Variants in BNC2 observed in about 807,000 individuals in gnomAD.
BNC2 encodes the protein zinc finger protein basonuclin-2.
In BNC2, 20 loss-of-function variants were observed where a neutral mutation model predicts 76.3. That is an observed-to-expected ratio of 0.26 (90% CI 0.18 to 0.38). The LOEUF (loss-of-function observed/expected upper bound fraction) is 0.38. Among genes scored for constraint, BNC2 ranks in the 10% least tolerant of loss-of-function variants. The pLI is 1.00. For missense variants in BNC2, 1,382 were observed against 1,399.8 expected, an observed-to-expected ratio of 0.99 and a Z score of 0.20; for synonymous variants, 582 against 514.8, an observed-to-expected ratio of 1.13 and a Z score of -1.77.
chr9:16,850,809 T>TA (rs60704340), intron 1 of BNC2, among the ~76,000 whole-genome samples: 105,460 of 148,504 alleles, frequency 0.71, 37,329 homozygotes, highest in Non-Finnish European at 0.75. Context: ...AAAAAGTAAA[T>TA]AAAAAAAAAA....
intron 3 of BNC2, among the ~76,000 whole-genome samples, chr9:16,616,836 G>T (rs138928371): frequency 4.0e-5 from 6 of 150,210 alleles, no homozygotes; most frequent in South Asian, 2.1e-4. Context: ...AGGAAGGAAG[G>T]AAGTTCTACT....
intron 3 of BNC2, among the ~76,000 whole-genome samples, chr9:16,649,239 T>G (rs1448723258): frequency 6.6e-6 from 1 of 152,198 alleles, no homozygotes; most frequent in Non-Finnish European, 1.5e-5. Context: ...CAAAGCAGTG[T>G]GTGCTATCCA....
intron 3 of BNC2, among the ~76,000 whole-genome samples, chr9:16,725,217 T>TCACACACA (rs4007689): frequency 0.027 from 3,971 of 148,220 alleles, 72 homozygotes; most frequent in East Asian, 0.064. Flanking sequence ...TCTCTCTCTC[T>TCACACACA]CACACACACA....
At chr9:16,805,682 T>TA (rs1417371543) in intron 1 of BNC2, among the ~76,000 whole-genome samples, 1 of 150,404 alleles carries the variant, frequency 6.6e-6, no homozygotes, top group East Asian at 2.0e-4. Context: ...ATGAACAAAT[T>TA]AAAGTACTTA....
chr9:16,861,002 C>T (rs574691155), intron 1 of BNC2, among the ~76,000 whole-genome samples: 127 of 149,944 alleles, frequency 8.5e-4, no homozygotes, highest in African/African-American at 2.6e-3. Context: ...GCTGAGATCA[C>T]GCCACTGCCT....
At chr9:16,816,243 A>G (rs1818179364) in intron 1 of BNC2, among the ~76,000 whole-genome samples, 1 of 152,154 alleles carries the variant, frequency 6.6e-6, no homozygotes, top group Non-Finnish European at 1.5e-5. Flanking sequence ...GACAATACTT[A>G]GGCACTTCCA....
chr9:16,582,892 GACACACACACAC>G (rs149223772), intron 4 of BNC2, 79 bp downstream of exon 4: 16,365 of 626,942 alleles, frequency 0.026, 116 homozygotes, highest in Non-Finnish European at 0.038. Flanking sequence ...CCTCTAAACA[GACACACACACAC>G]ACACACACAC....
intron 5 of BNC2, among the ~76,000 whole-genome samples, chr9:16,509,897 T>A (rs73417433): frequency 0.13 from 20,091 of 152,234 alleles, 4,009 homozygotes; most frequent in African/African-American, 0.43. Context: ...GCTGACATGG[T>A]TCTCTGTCCA....
At chr9:16,630,749 C>CTTTGTTTCTTTTTTTTTTTTT (rs1554691911) in intron 3 of BNC2, among the ~76,000 whole-genome samples, 4 of 140,194 alleles carry the variant, frequency 2.9e-5, no homozygotes, top group African/African-American at 1.1e-4. Flanking sequence ...TGGAGCGTTT[C>CTTTGTTTCTTTTTTTTTTTTT]TTTTTTTGAA....
intron 1 of BNC2, among the ~76,000 whole-genome samples, chr9:16,870,336 G>A (rs1819649252): frequency 1.3e-5 from 2 of 151,882 alleles, no homozygotes; most frequent in Non-Finnish European, 2.9e-5. Context: ...CCCCTAGCCA[G>A]CCGCTCACCT....
At chr9:16,498,175 A>T (rs1822437454) in intron 5 of BNC2, among the ~76,000 whole-genome samples, 2 of 125,792 alleles carry the variant, frequency 1.6e-5, no homozygotes, top group East Asian at 2.1e-4. Context: ...ATATTCTATC[A>T]TATATATATT....
In BNC2 at chr9:16,417,054, C is replaced by CA. The variant is rs990960540; in HGVS notation, c.*1934dup. The CA allele has an allele frequency of 1.3e-5, 2 of 151,310 alleles. No homozygotes were observed. Among genetic ancestry groups the CA allele is most frequent in the African/African-American group, 4.9e-5 (2 of 41,038 alleles). 9.4% of individuals were successfully genotyped at this position (151,310 alleles called of 1,614,324 possible). ...AAGAAATGTCTGAGGCCATTAAATG[C>CA]AAAAAAGAAATACATTCTCTTTAAA... On this transcript the variant is annotated 3_prime_UTR_variant, in exon 7 of 7. Coordinates refer to ENST00000380672, the MANE Select transcript of BNC2 (RefSeq NM_017637.6).
chr9:16,587,486 T>G (rs534996572), intron 3 of BNC2, among the ~76,000 whole-genome samples: 10 of 152,320 alleles, frequency 6.6e-5, no homozygotes, highest in African/African-American at 2.4e-4. Flanking sequence ...CTGTCTTTTA[T>G]TCTCACGGTT....
At chr9:16,723,193 T>C (rs181403789) in intron 3 of BNC2, among the ~76,000 whole-genome samples, 61 of 152,116 alleles carry the variant, frequency 4.0e-4, no homozygotes, top group African/African-American at 1.4e-3. Context: ...ACATACTAAC[T>C]GTAAGGAAGG....
At chr9:16,530,069 G>T (rs1301334241) in intron 5 of BNC2, among the ~76,000 whole-genome samples, 1 of 151,974 alleles carries the variant, frequency 6.6e-6, no homozygotes, top group South Asian at 2.1e-4. Flanking sequence ...GGCCAGTCTG[G>T]TCTTGAACTG....
intron 3 of BNC2, among the ~76,000 whole-genome samples, chr9:16,640,464 T>C (rs1220436141): frequency 6.6e-6 from 1 of 152,188 alleles, no homozygotes; most frequent in Non-Finnish European, 1.5e-5. Flanking sequence ...AATTATTAAC[T>C]ACTAGTTTTC....
chr9:16,468,445 G>C (rs921671913), intron 5 of BNC2, among the ~76,000 whole-genome samples: 3 of 151,712 alleles, frequency 2.0e-5, no homozygotes, highest in African/African-American at 7.3e-5. Flanking sequence ...CACCAGGCTG[G>C]AGTACAGAGG....
intron 3 of BNC2, among the ~76,000 whole-genome samples, chr9:16,604,437 G>C (rs1820324785): frequency 6.6e-6 from 1 of 152,176 alleles, no homozygotes; most frequent in Non-Finnish European, 1.5e-5. Context: ...GAAAGATCTT[G>C]AGAGACAGAT....
At chr9:16,659,544 A>AT (rs1822045000) in intron 3 of BNC2, among the ~76,000 whole-genome samples, 3 of 149,076 alleles carry the variant, frequency 2.0e-5, no homozygotes, top group South Asian at 2.1e-4. Flanking sequence ...GGAGGCGGAA[A>AT]TTGAAGTTAG....
Sources: allele counts gnomAD v4.1 joint callset (sites outside exome capture counted in the v4.1 genomes callset), GRCh38; gene constraint gnomAD v4.1.1; transcripts MANE v1.5; gene names NCBI Gene and HGNC (gene_info 2026-07-23, HGNC 2026-07-21).